The following SDK1 variants were observed in gnomAD, a reference collection of about 807,000 sequenced individuals.
SDK1 encodes sidekick cell adhesion molecule 1.
SDK1 carries 157 observed loss-of-function variants against 245.5 expected under a neutral mutation model. The ratio of observed to expected loss-of-function variants is 0.64; its 90% CI spans 0.56 to 0.73. The LOEUF is 0.73. Among genes scored for constraint, SDK1 ranks in the 30% least tolerant of loss-of-function variants. SDK1 has a pLI of 0.00. For missense variants in SDK1, 3,583 were observed against 3,002.3 expected (o/e 1.19, Z -4.52); for synonymous variants, 1,647 against 1,278.5 (o/e 1.29, Z -6.15).
At chr7:3,407,668 C>T (rs550439000) in intron 1 of SDK1, among the ~76,000 whole-genome samples, 6 of 152,298 alleles carry the variant, frequency 3.9e-5, no homozygotes, top group African/African-American at 1.4e-4. Flanking sequence ...AACTCCCAAG[C>T]TGGATACTAT....
At chr7:3,497,838 C>G (rs1242121078) in intron 1 of SDK1, among the ~76,000 whole-genome samples, 2 of 152,144 alleles carry the variant, frequency 1.3e-5, no homozygotes, top group Non-Finnish European at 2.9e-5. Context: ...ACACTGTAAC[C>G]CCATCTAATC....
intron 40 of SDK1, among the ~76,000 whole-genome samples, chr7:4,229,401 T>A (rs560186490): frequency 4.6e-5 from 7 of 152,192 alleles, no homozygotes; most frequent in Non-Finnish European, 7.3e-5. Context: ...CGGTATGACA[T>A]TCCCCCTCAC....
At chr7:3,604,276 A>G (rs1781346240) in intron 1 of SDK1, among the ~76,000 whole-genome samples, 1 of 151,966 alleles carries the variant, frequency 6.6e-6, no homozygotes, top group Non-Finnish European at 1.5e-5. Context: ...TCCTCTTTGT[A>G]CCTCTGGTAG....
intron 8 of SDK1, among the ~76,000 whole-genome samples, chr7:3,961,700 C>G (rs1469579835): frequency 6.6e-6 from 1 of 152,210 alleles, no homozygotes; most frequent in African/African-American, 2.4e-5. Context: ...CCATGATATC[C>G]AACCCCTTTG....
intron 4 of SDK1, among the ~76,000 whole-genome samples, chr7:3,691,311 G>C (rs1784432140): frequency 6.6e-6 from 1 of 152,180 alleles, no homozygotes; most frequent in Admixed American, 6.5e-5. Flanking sequence ...TTGATAGGAA[G>C]AGGTCAGGGC....
rs180747839 is a variant in SDK1, at chr7:3,822,567, C to G, written c.847+984C>G. 1.1e-3 allele frequency among the ~76,000 whole-genome samples: 173 copies of G among 151,982 alleles called. 1 individual carries two copies. Among genetic ancestry groups the G allele is most frequent in the African/African-American group, 4.1e-3 (168 of 41,452 alleles). ...GGCATATTACTTGAGGTCAAGAGTT[C>G]GAGACCAGCCTGGTCAACATGGTGA... On this transcript the variant is annotated intron_variant, in intron 5 of 44. Transcript: ENST00000404826.
chr7:4,180,901 A>G (rs1179268096), intron 35 of SDK1, among the ~76,000 whole-genome samples: 2 of 152,140 alleles, frequency 1.3e-5, no homozygotes, highest in Non-Finnish European at 2.9e-5. Flanking sequence ...GTTGGGGATT[A>G]TAGCTCAACA....
At chr7:3,488,169 A>C (rs1781759067) in intron 1 of SDK1, among the ~76,000 whole-genome samples, 1 of 152,054 alleles carries the variant, frequency 6.6e-6, no homozygotes, top group African/African-American at 2.4e-5. Flanking sequence ...CCTTTAATTG[A>C]ATGACTAATT....
In SDK1 at chr7:4,266,033, A is replaced by G. The variant is rs1042949801; in HGVS notation, c.*649A>G. 57 of 985,242 alleles carry G rather than the reference A, an allele frequency of 5.8e-5. No individual in the cohort carries two copies. The highest frequency in any genetic ancestry group is 1.8e-5 in the Non-Finnish European group (15 of 829,964). 61.0% of individuals were successfully genotyped at this position (985,242 alleles called of 1,614,324 possible). A position where few individuals can be genotyped will look rare whatever the true frequency, so the allele number is the denominator to read the frequency against. ...TGGCTCAGCCGTCACTGTCTGTGTCACTGCAGTGGTGCGGTCCTCAGGCTT... is the reference window on the plus strand; with the variant it reads ...TGGCTCAGCCGTCACTGTCTGTGTCGCTGCAGTGGTGCGGTCCTCAGGCTT... On this transcript the variant is annotated 3_prime_UTR_variant, in exon 45 of 45. Transcript: ENST00000404826.
intron 5 of SDK1, among the ~76,000 whole-genome samples, chr7:3,898,900 T>C (rs141135705): frequency 2.0e-5 from 3 of 152,330 alleles, no homozygotes; most frequent in East Asian, 3.9e-4. Flanking sequence ...TAAGGAAATA[T>C]TTTACCTTTA....
At chr7:3,381,590 T>A (rs1364495524) in intron 1 of SDK1, among the ~76,000 whole-genome samples, 4 of 152,124 alleles carry the variant, frequency 2.6e-5, no homozygotes, top group Non-Finnish European at 5.9e-5. Flanking sequence ...GCATGCTTAG[T>A]TCTAAGGAGA....
intron 4 of SDK1, among the ~76,000 whole-genome samples, chr7:3,689,247 C>T (rs187365866): frequency 5.5e-4 from 83 of 152,288 alleles, no homozygotes; most frequent in African/African-American, 1.8e-3. Context: ...TCCCTTGCAG[C>T]TATGGGGACC....
chr7:3,880,085 A>G (rs756942311), intron 5 of SDK1, among the ~76,000 whole-genome samples: 1 of 152,208 alleles, frequency 6.6e-6, no homozygotes, highest in African/African-American at 2.4e-5. Context: ...GCCAAGGTCA[A>G]TCATCTCTGT....
chr7:4,088,516 T>G (rs776910627), intron 22 of SDK1, among the ~76,000 whole-genome samples: 22 of 152,138 alleles, frequency 1.4e-4, no homozygotes, highest in Non-Finnish European at 2.2e-4. Flanking sequence ...TGTATTGGGT[T>G]AAGATGATTC....
intron 38 of SDK1, among the ~76,000 whole-genome samples, chr7:4,212,221 G>A (rs1008968456): frequency 4.9e-5 from 7 of 141,914 alleles, no homozygotes; most frequent in African/African-American, 1.6e-4. Context: ...TAGATGAAAC[G>A]GAGTTGATTT....
intron 2 of SDK1, among the ~76,000 whole-genome samples, chr7:3,626,240 C>T (rs772860843): frequency 2.6e-5 from 4 of 151,858 alleles, no homozygotes; most frequent in Admixed American, 6.6e-5. Flanking sequence ...ACTTCCAGAC[C>T]GAAAGGATTT....
chr7:3,615,446 A>G (rs564869865), intron 1 of SDK1, among the ~76,000 whole-genome samples: 1 of 151,898 alleles, frequency 6.6e-6, no homozygotes, highest in South Asian at 2.1e-4. Context: ...CTCTTGGAAC[A>G]GGACAAGGCT....
At chr7:4,211,052 C>G (rs1364189158) in intron 38 of SDK1, among the ~76,000 whole-genome samples, 1 of 152,086 alleles carries the variant, frequency 6.6e-6, no homozygotes, top group Non-Finnish European at 1.5e-5. Context: ...CACTGCAGGC[C>G]ACAGCACACG....
intron 28 of SDK1, among the ~76,000 whole-genome samples, chr7:4,136,442 G>A (rs1042688106): frequency 6.6e-6 from 1 of 152,186 alleles, no homozygotes. Context: ...AAACACCTCT[G>A]CCGCCCGAGC....
Sources: gnomAD v4.1 joint callset for allele counts (sites outside exome capture counted in the v4.1 genomes callset) on GRCh38, gnomAD v4.1.1 for gene constraint, MANE v1.5 for transcripts, NCBI Gene and HGNC (gene_info 2026-07-23, HGNC 2026-07-21) for gene names.